ANKRD36: variants seen among roughly 807,000 people sequenced by gnomAD.
ANKRD36 encodes the protein ankyrin repeat domain 36.
ANKRD36 carries 179 observed loss-of-function variants against 278.1 expected under a neutral mutation model. The ratio of observed to expected loss-of-function variants is 0.64; its 90% CI spans 0.57 to 0.73. The LOEUF is 0.73. Among genes scored for constraint, ANKRD36 ranks in the 30% least tolerant of loss-of-function variants. The pLI is 0.00. For synonymous variants in ANKRD36, 320 were observed against 641.1 expected (o/e 0.50, Z 7.57); for missense variants, 1,159 against 1,956.7 (o/e 0.59, Z 7.69).
chr2:97,203,103 T>C (rs1182380966), intron 48 of ANKRD36, among the ~76,000 whole-genome samples: 1 of 151,824 alleles, frequency 6.6e-6, no homozygotes, highest in African/African-American at 2.4e-5. Flanking sequence ...AGTTATATAA[T>C]TGAGACAAAC....
chr2:97,219,666 A>G (rs2066880938), intron 66 of ANKRD36, among the ~76,000 whole-genome samples: 1 of 141,496 alleles, frequency 7.1e-6, no homozygotes, highest in Non-Finnish European at 1.5e-5. Context: ...TTTTTAGTAG[A>G]GACAGGCTTT....
At chr2:97,169,934 C>T (rs1289870556) in intron 22 of ANKRD36, among the ~76,000 whole-genome samples, 1 of 152,154 alleles carries the variant, frequency 6.6e-6, no homozygotes, top group Non-Finnish European at 1.5e-5. Flanking sequence ...CTGGAAATTT[C>T]ATATGGAACA....
At chr2:97,134,016 C>T (rs186938319) in intron 6 of ANKRD36, among the ~76,000 whole-genome samples, 22 of 152,098 alleles carry the variant, frequency 1.4e-4, no homozygotes, top group African/African-American at 2.9e-4. Flanking sequence ...TAAATGTACC[C>T]GCCATTAGAA....
chr2:97,144,605 T>C (rs1473126685), intron 9 of ANKRD36, 35 bp from the exon 10 acceptor site: 2 of 1,558,104 alleles, frequency 1.3e-6, no homozygotes, highest in South Asian at 1.2e-5. Flanking sequence ...GAATATACTG[T>C]AGGTATTGAT....
In ANKRD36 at chr2:97,207,961, T is replaced by C. The variant is rs1307941034; in HGVS notation, c.3220T>C (p.Leu1074=). The C allele has an allele frequency of 4.6e-6, 7 of 1,526,444 alleles. 1 individual carries two copies. The highest frequency in any genetic ancestry group is 6.2e-6 in the Non-Finnish European group (7 of 1,134,414). 94.6% of individuals were successfully genotyped at this position (1,526,444 alleles called of 1,614,324 possible). A position where few individuals can be genotyped will look rare whatever the true frequency, so the allele number is the denominator to read the frequency against. ...TACAAGTGCCGAGAAAGATTCTGTT[T>C]TGAATATAGCCAGAGGAAAAAAGTA... The part of the protein sequence containing the change: ...KATSAEKDSV[L]NIARGKKYGE... Residue 1074 remains leucine, a synonymous_variant, in exon 54 of 76, where the codon TTG becomes CTG. Coordinates refer to ENST00000420699, the MANE Select transcript of ANKRD36 (RefSeq NM_001354587.1).
chr2:97,217,580 A>G (rs2066287916), intron 64 of ANKRD36, among the ~76,000 whole-genome samples: 1 of 152,112 alleles, frequency 6.6e-6, no homozygotes, highest in South Asian at 2.1e-4. Context: ...ACTTCCCTAC[A>G]TGGAAATTGT....
intron 40 of ANKRD36, among the ~76,000 whole-genome samples, chr2:97,196,358 G>A (rs536791703): frequency 8.6e-5 from 13 of 152,016 alleles, no homozygotes; most frequent in South Asian, 4.2e-4. Context: ...TTTAGTTTTC[G>A]ACACATGAGA....
At chr2:97,182,130 T>A (rs1349340173) in intron 26 of ANKRD36, among the ~76,000 whole-genome samples, 2 of 151,258 alleles carry the variant, frequency 1.3e-5, no homozygotes, top group African/African-American at 4.8e-5. Flanking sequence ...TTTACAGACA[T>A]CACATCGTAT....
chr2:97,200,422 T>C, intron 45 of ANKRD36, 31 bp from the exon 46 acceptor site: 2 of 1,600,940 alleles, frequency 1.2e-6, no homozygotes, highest in Non-Finnish European at 1.7e-6. Context: ...AAACATACCT[T>C]ATTTATTACT....
rs1374354245 is a variant in ANKRD36, at chr2:97,146,520, T to C, written c.1034+4T>C. On this transcript the variant is annotated splice_donor_region_variant and intron_variant, in intron 11 of 75. Transcript: ENST00000420699. ...CTGTTGAACAGTGTTTAAACAGGTA[T>C]GATTTTACAGATTTTTTAAAGTGAT... 2.0e-6 allele frequency: 3 copies of C among 1,517,830 alleles called. No homozygotes were observed. In the Admixed American group the frequency reaches 6.2e-5, roughly 31 times the overall value. 94.0% of individuals were successfully genotyped at this position (1,517,830 alleles called of 1,614,324 possible). A position where few individuals can be genotyped will look rare whatever the true frequency, so the allele number is the denominator to read the frequency against.
At position 97,174,905 on chromosome 2, in the gene ANKRD36, T is replaced by C. The variant is rs528049764; in HGVS notation, c.1634-4833T>C. Reference sequence around the variant, plus strand: ...TAATCATGTGGTTTTTGTCTTTGGCTCTGTTTATATGCTGGATTACATTTA... The same window carrying C: ...TAATCATGTGGTTTTTGTCTTTGGCCCTGTTTATATGCTGGATTACATTTA... On this transcript the variant is annotated intron_variant, in intron 22 of 75. Coordinates refer to ENST00000420699, the MANE Select transcript of ANKRD36 (RefSeq NM_001354587.1). Among the ~76,000 whole-genome samples the C allele has an allele frequency of 4.7e-5, 7 of 149,412 alleles. No individual in the cohort carries two copies. The East Asian group carries it at 1.4e-3, about 30-fold the overall frequency.
intron 36 of ANKRD36, among the ~76,000 whole-genome samples, chr2:97,191,815 A>G (rs2058581103): frequency 6.6e-6 from 1 of 151,710 alleles, no homozygotes; most frequent in African/African-American, 2.4e-5. Context: ...AATTGCCATA[A>G]AAACACACTG....
chr2:97,159,905 G>A (rs186074526), intron 17 of ANKRD36, among the ~76,000 whole-genome samples: 7,056 of 59,120 alleles, frequency 0.12, no homozygotes, highest in African/African-American at 0.19. Context: ...CCTCAGCCTC[G>A]CGAGTAGCTG....
chr2:97,133,262 C>T (rs1184136800), intron 6 of ANKRD36, among the ~76,000 whole-genome samples: 1 of 151,832 alleles, frequency 6.6e-6, no homozygotes, highest in East Asian at 2.0e-4. Context: ...TATAACATAG[C>T]ATGGTGCTTA....
At chr2:97,196,016 G>A (rs1284526118) in intron 40 of ANKRD36, among the ~76,000 whole-genome samples, 1 of 151,956 alleles carries the variant, frequency 6.6e-6, no homozygotes, top group Non-Finnish European at 1.5e-5. Context: ...ACATGGGTGT[G>A]AGAGATAATG....
chr2:97,146,040 C>T (rs2044153759), intron 10 of ANKRD36, among the ~76,000 whole-genome samples: 1 of 152,090 alleles, frequency 6.6e-6, no homozygotes, highest in South Asian at 2.1e-4. Flanking sequence ...GTGAACCTGG[C>T]TCACTTCAAC....
intron 67 of ANKRD36, among the ~76,000 whole-genome samples, chr2:97,228,352 G>T (rs1423187878): frequency 1.3e-5 from 2 of 151,988 alleles, no homozygotes; most frequent in Non-Finnish European, 2.9e-5. Context: ...ACTTCTTCCT[G>T]GTTTAGTCTT....
At chr2:97,206,955 G>C (rs1342961599) in intron 52 of ANKRD36, among the ~76,000 whole-genome samples, 3 of 151,444 alleles carry the variant, frequency 2.0e-5, no homozygotes, top group Non-Finnish European at 3.0e-5. Flanking sequence ...ATACTCCCAA[G>C]AAGGCTATTT....
chr2:97,173,485 G>A (rs534406978), intron 22 of ANKRD36, among the ~76,000 whole-genome samples: 12 of 151,940 alleles, frequency 7.9e-5, no homozygotes, highest in South Asian at 4.2e-4. Flanking sequence ...ATTTGTACAC[G>A]TTAGTCAAGT....
Sources: gnomAD v4.1 joint callset for allele counts (sites outside exome capture counted in the v4.1 genomes callset) on GRCh38, gnomAD v4.1.1 for gene constraint, MANE v1.5 for transcripts, NCBI Gene and HGNC (gene_info 2026-07-23, HGNC 2026-07-21) for gene names.